ADGRL2: variants seen among roughly 807,000 people sequenced by gnomAD.
The protein encoded by ADGRL2 is adhesion G protein-coupled receptor L2.
ADGRL2 carries 44 observed loss-of-function variants against 157.4 expected under a neutral mutation model. That is an observed-to-expected ratio of 0.28 (90% CI 0.22 to 0.36). The LOEUF (loss-of-function observed/expected upper bound fraction) is 0.36, where lower values mean the gene tolerates loss of function less well. ADGRL2 is among the 10% of genes least tolerant of loss of function. ADGRL2 has a pLI of 1.00. For synonymous variants in ADGRL2, 585 were observed against 624.7 expected (o/e 0.94, Z 0.95); for missense variants, 1,510 against 1,768.9 (o/e 0.85, Z 2.63).
intron 3 of ADGRL2, among the ~76,000 whole-genome samples, chr1:81,619,651 C>CAGTG (rs1274162943): frequency 7.5e-6 from 1 of 132,720 alleles, no homozygotes; most frequent in African/African-American, 2.7e-5. Flanking sequence ...AAATAACATA[C>CAGTG]AGTGATATGT....
At chr1:81,665,617 T>C (rs2082736560) in intron 3 of ADGRL2, among the ~76,000 whole-genome samples, 1 of 152,084 alleles carries the variant, frequency 6.6e-6, no homozygotes, top group Non-Finnish European at 1.5e-5. Context: ...GCATGTTAGG[T>C]AAATGTTATA....
At chr1:81,436,028 G>T (rs956834831) in intron 1 of ADGRL2, among the ~76,000 whole-genome samples, 1 of 152,196 alleles carries the variant, frequency 6.6e-6, no homozygotes, top group African/African-American at 2.4e-5. Flanking sequence ...CTGGGAGGCA[G>T]ATGTTGCGGT....
At chr1:81,432,530 G>C (rs937332208) in intron 1 of ADGRL2, among the ~76,000 whole-genome samples, 3 of 152,222 alleles carry the variant, frequency 2.0e-5, no homozygotes, top group African/African-American at 7.2e-5. Context: ...AAGTACTCCA[G>C]AGGAGAATAA....
chr1:81,829,139 T>TG (rs2091747198), intron 1 of ADGRL2, among the ~76,000 whole-genome samples: 1 of 152,144 alleles, frequency 6.6e-6, no homozygotes, highest in Non-Finnish European at 1.5e-5. Context: ...CTCGAACTCC[T>TG]GACCTCAGGC....
intron 2 of ADGRL2, among the ~76,000 whole-genome samples, chr1:81,896,498 C>T (rs2094391437): frequency 1.3e-5 from 2 of 152,008 alleles, no homozygotes; most frequent in Non-Finnish European, 2.9e-5. Context: ...TTCTTTATCT[C>T]TTGATATCTG....
chr1:81,846,745 G>A (rs1036152873), intron 2 of ADGRL2, among the ~76,000 whole-genome samples: 2 of 152,002 alleles, frequency 1.3e-5, no homozygotes, highest in Admixed American at 6.6e-5. Flanking sequence ...TGTTAGATAT[G>A]CCTATATGAA....
intron 2 of ADGRL2, among the ~76,000 whole-genome samples, chr1:81,448,423 G>T (rs1404702027): frequency 6.6e-6 from 1 of 152,008 alleles, no homozygotes; most frequent in Non-Finnish European, 1.5e-5. Flanking sequence ...TGTGATTACA[G>T]GCATGAGCCA....
intron 1 of ADGRL2, among the ~76,000 whole-genome samples, chr1:81,422,653 T>C (rs2077146640): frequency 6.6e-6 from 1 of 152,248 alleles, no homozygotes; most frequent in Non-Finnish European, 1.5e-5. Context: ...ATAATTATAC[T>C]CTTTTAAGAA....
intron 2 of ADGRL2, among the ~76,000 whole-genome samples, chr1:81,537,217 C>T (rs558710325): frequency 1.3e-5 from 2 of 152,144 alleles, no homozygotes; most frequent in African/African-American, 4.8e-5. Context: ...ATACCAGAAA[C>T]ACATACATCT....
chr1:81,372,745 T>C lies in ADGRL2; in HGVS notation c.-302+66236T>C, dbSNP rs147474751. ...GGCAGTTAGAGAGAATTTTCCTTTCTGTAATGAAGCTCTTGAAACCAAACT... is the reference window on the plus strand; with the variant it reads ...GGCAGTTAGAGAGAATTTTCCTTTCCGTAATGAAGCTCTTGAAACCAAACT... On this transcript the variant is annotated intron_variant, in intron 1 of 24. Coordinates refer to the ADGRL2 transcript ENST00000370721. Among the ~76,000 whole-genome samples the C allele has an allele frequency of 2.7e-3, 409 of 152,340 alleles. 2 individuals are homozygous for C. Among genetic ancestry groups the C allele is most frequent in the African/African-American group, 9.5e-3 (394 of 41,584 alleles).
chr1:81,643,856 A>G (rs926470319), intron 3 of ADGRL2, among the ~76,000 whole-genome samples: 7 of 152,326 alleles, frequency 4.6e-5, no homozygotes, highest in African/African-American at 1.7e-4. Context: ...AGCAATCTCA[A>G]TTTGTCAAAA....
At chr1:81,762,342 A>G (rs1557629197) in intron 2 of ADGRL2, among the ~76,000 whole-genome samples, 2 of 152,188 alleles carry the variant, frequency 1.3e-5, no homozygotes, top group African/African-American at 4.8e-5. Context: ...CTAAAAGTAT[A>G]TATCATAACT....
chr1:81,943,213 G>A lies in ADGRL2; in HGVS notation c.654G>A (p.Val218=). 6.2e-7 allele frequency: 1 copy of A among 1,613,580 alleles called. No individual in the cohort carries two copies. The highest frequency in any genetic ancestry group is 1.3e-5 in the African/African-American group (1 of 74,988). The change falls in exon 6 of 24, where the codon GTG becomes GTA. Residue 218 remains valine (V), a synonymous_variant. Transcript: ENST00000686636. This position sits in a 1 kb window ranked among gnomAD's most constrained non-coding sequence, Gnocchi z 5.6. ...PNRVDGTGFV[V]YDGAVFFNKE... The stretch of plus-strand genomic sequence containing the variant: ...GAGTAGATGGTACTGGATTTGTGGT[G>A]TATGATGGTGCTGTCTTCTTTAACA...
chr1:81,860,797 A>G (rs1366499563), intron 2 of ADGRL2, among the ~76,000 whole-genome samples: 1 of 152,152 alleles, frequency 6.6e-6, no homozygotes, highest in Non-Finnish European at 1.5e-5. Context: ...AAGTTAGTCT[A>G]CTATAGGAGA....
intron 3 of ADGRL2, among the ~76,000 whole-genome samples, chr1:81,655,056 C>G (rs1002168264): frequency 6.6e-6 from 1 of 152,170 alleles, no homozygotes; most frequent in African/African-American, 2.4e-5. Context: ...TCAAGCCTCG[C>G]CCCCCTGCGA....
chr1:81,662,378 C>T (rs1203208320), intron 3 of ADGRL2, among the ~76,000 whole-genome samples: 1 of 151,298 alleles, frequency 6.6e-6, no homozygotes, highest in Non-Finnish European at 1.5e-5. Flanking sequence ...GCCTTAGCCT[C>T]CCTAGTAGCT....
intron 3 of ADGRL2, among the ~76,000 whole-genome samples, chr1:81,681,339 G>A (rs1229897697): frequency 6.6e-6 from 1 of 152,166 alleles, no homozygotes; most frequent in Non-Finnish European, 1.5e-5. Context: ...GGAACTGTTT[G>A]GGACCCATTC....
chr1:81,623,106 G>T (rs1045893082), intron 3 of ADGRL2, among the ~76,000 whole-genome samples: 17 of 152,074 alleles, frequency 1.1e-4, no homozygotes, highest in Non-Finnish European at 2.2e-4. Flanking sequence ...ATTCTTTATT[G>T]CTCTAAGCTT....
chr1:81,420,678 T>C (rs1330346046), intron 1 of ADGRL2, among the ~76,000 whole-genome samples: 1 of 152,200 alleles, frequency 6.6e-6, no homozygotes, highest in Middle Eastern at 3.2e-3. Context: ...CAGTACTCTA[T>C]TGATGGGAAG....
Sources: gnomAD v4.1 joint callset for allele counts (sites outside exome capture counted in the v4.1 genomes callset) on GRCh38, gnomAD v4.1.1 for gene constraint, Gnocchi (gnomAD v3.1) non-coding constraint, MANE v1.5 for transcripts, NCBI Gene and HGNC (gene_info 2026-07-23, HGNC 2026-07-21) for gene names.